Variants in LOC400499 observed in about 807,000 individuals in gnomAD.
At chr16:11,385,639 G>A in the LOC400499 span, among the ~76,000 whole-genome samples, 2 of 152,212 alleles carry the variant, frequency 1.3e-5, no homozygotes, top group Non-Finnish European at 2.9e-5. Flanking sequence ...GCCCTAACAA[G>A]GAAAGGAGTC....
At chr16:11,457,013 C>T in the LOC400499 span, 1 of 1,533,722 alleles carries the variant, frequency 6.5e-7, no homozygotes, top group South Asian at 1.2e-5. Context: ...GGCAATCCAC[C>T]TGCCTCTCAG....
the LOC400499 span, chr16:11,521,922 G>A: frequency 1.6e-4 from 63 of 399,120 alleles, 1 homozygote; most frequent in African/African-American, 1.0e-3. Flanking sequence ...CAGCATCAAC[G>A]TGATCTCCCG....
At chr16:11,426,305 G>A in the LOC400499 span, among the ~76,000 whole-genome samples, 72 of 152,188 alleles carry the variant, frequency 4.7e-4, no homozygotes, top group African/African-American at 1.5e-3. Flanking sequence ...GTGTGGTGGC[G>A]CATGCCTGTC....
the LOC400499 span, chr16:11,384,143 C>T: frequency 1.6e-6 from 2 of 1,214,000 alleles, no homozygotes; most frequent in Non-Finnish European, 2.1e-6. Flanking sequence ...CCGCCTGCCT[C>T]TCCCGGGACT....
the LOC400499 span, among the ~76,000 whole-genome samples, chr16:11,520,895 G>A: frequency 6.6e-6 from 1 of 152,022 alleles, no homozygotes; most frequent in Non-Finnish European, 1.5e-5. Context: ...TTTTCACCTA[G>A]AATCTTTGAA....
At chr16:11,398,877 C>G in the LOC400499 span, among the ~76,000 whole-genome samples, 1 of 152,182 alleles carries the variant, frequency 6.6e-6, no homozygotes, top group Admixed American at 6.5e-5. Flanking sequence ...GCCAGGCGAT[C>G]AGGTGATCCC....
At chr16:11,456,851 A>C in the LOC400499 span, 1 of 1,536,294 alleles carries the variant, frequency 6.5e-7, no homozygotes, top group Non-Finnish European at 8.7e-7. Flanking sequence ...CCCACAGCCA[A>C]CACTCACCTT....
the LOC400499 span, among the ~76,000 whole-genome samples, chr16:11,426,984 G>C: frequency 6.9e-6 from 1 of 144,446 alleles, no homozygotes; most frequent in East Asian, 2.0e-4. Flanking sequence ...ATCAATAAAA[G>C]ACAAACAATT....
the LOC400499 span, among the ~76,000 whole-genome samples, chr16:11,505,084 C>T: frequency 6.6e-6 from 1 of 151,818 alleles, no homozygotes; most frequent in Non-Finnish European, 1.5e-5. Context: ...AGAGCAGACA[C>T]TTGAACCCAG....
At chr16:11,469,724 C>CA in the LOC400499 span, 1 of 398,920 alleles carries the variant, frequency 2.5e-6, no homozygotes, top group Non-Finnish European at 4.4e-6. Flanking sequence ...TTCAGACACT[C>CA]ACATTGTTGT....
At chr16:11,477,981 T>G in the LOC400499 span, 27 of 398,724 alleles carry the variant, frequency 6.8e-5, no homozygotes, top group Admixed American at 2.6e-4. Flanking sequence ...AGGCTCAGCC[T>G]CCGGTTCATC....
the LOC400499 span, among the ~76,000 whole-genome samples, chr16:11,403,955 G>A: frequency 6.4e-4 from 98 of 152,304 alleles, no homozygotes; most frequent in Middle Eastern, 3.4e-3. Flanking sequence ...GGGTCCCCCA[G>A]CCCTCCTGCC....
At chr16:11,399,798 G>A in the LOC400499 span, 1 of 398,904 alleles carries the variant, frequency 2.5e-6, no homozygotes, top group Middle Eastern at 6.3e-4. Flanking sequence ...GTTGTCCTCT[G>A]TTCCAGGTGA....
the LOC400499 span, among the ~76,000 whole-genome samples, chr16:11,394,298 G>C: frequency 6.6e-6 from 1 of 152,324 alleles, no homozygotes; most frequent in East Asian, 1.9e-4. Context: ...AATGGGGTGG[G>C]AAAGAGGCTC....
chr16:11,428,073 A>AC, the LOC400499 span, among the ~76,000 whole-genome samples: 1 of 152,068 alleles, frequency 6.6e-6, no homozygotes, highest in Non-Finnish European at 1.5e-5. Flanking sequence ...AAGAATGGCT[A>AC]CTCCAGACAG....
chr16:11,396,279 C>T, the LOC400499 span: 36 of 376,730 alleles, frequency 9.6e-5, no homozygotes, highest in Non-Finnish European at 1.3e-4. Flanking sequence ...GGTGTTGGGA[C>T]TGTGGAGGAG....
At chr16:11,446,692 T>G in the LOC400499 span, 5 of 1,532,594 alleles carry the variant, frequency 3.3e-6, no homozygotes, top group Middle Eastern at 1.7e-4. Context: ...AGGAGGCAGC[T>G]GGGGCCTTCC....
At chr16:11,458,724 A>G in the LOC400499 span, among the ~76,000 whole-genome samples, 2 of 152,098 alleles carry the variant, frequency 1.3e-5, no homozygotes. Flanking sequence ...TAATGCCACC[A>G]AACTCCAAAA....
chr16:11,393,626 G>C, the LOC400499 span: 11 of 1,203,174 alleles, frequency 9.1e-6, no homozygotes, highest in African/African-American at 1.7e-4. Context: ...TCCCCTGCCC[G>C]CCCCAGGCTC....
Sources: gnomAD v4.1 joint callset for allele counts (sites outside exome capture counted in the v4.1 genomes callset) on GRCh38, gnomAD v4.1.1 for gene constraint, MANE v1.5 for transcripts.